Variants in ARFGEF3 observed in about 807,000 individuals in gnomAD.
ARFGEF3 encodes brefeldin A-inhibited guanine nucleotide-exchange protein 3.
In ARFGEF3, 96 loss-of-function variants were observed where a neutral mutation model predicts 221.7. That is an observed-to-expected ratio of 0.43 (90% CI 0.37 to 0.51). ARFGEF3 has a LOEUF of 0.51. Ranked by LOEUF, ARFGEF3 falls within the 20% of genes least tolerant of loss-of-function variation. The probability of loss-of-function intolerance (pLI) is 0.00; values close to 1 mark genes in which losing one functional copy is unlikely to be tolerated. For missense variants in ARFGEF3, 2,410 were observed against 2,789.9 expected (o/e 0.86, Z 3.07); for synonymous variants, 1,145 against 1,126.8 (o/e 1.02, Z -0.32).
At position 138,262,761 on chromosome 6, in the gene ARFGEF3, C is replaced by T. The variant is rs765048827; in HGVS notation, c.1278C>T (p.Ala426=). 2 of 1,613,918 alleles carry T rather than the reference C, an allele frequency of 1.2e-6. No homozygotes were observed. The highest frequency in any genetic ancestry group is 1.7e-6 in the Non-Finnish European group (2 of 1,179,816). Residue 426 remains alanine (A), a synonymous_variant, in exon 12 of 34, where the codon GCC becomes GCT. Coordinates refer to ENST00000251691, the MANE Select transcript of ARFGEF3 (RefSeq NM_020340.5). ...GTGGCATCGAAGCTTGCTATGCAGC[C>T]GTGTCCTGTGTCTGCACCTTGCTGG... ...IKGGIEACYA[A]VSCVCTLLGA...
Position 138,253,940 on chromosome 6 carries a change from C to T in ARFGEF3, c.726C>T (p.Ser242=), listed in dbSNP as rs1189542630. 3 of 1,598,514 alleles carry T rather than the reference C, an allele frequency of 1.9e-6. No individual in the cohort carries two copies. Among genetic ancestry groups the T allele is most frequent in the East Asian group, 4.5e-5 (2 of 44,302 alleles). Reference sequence around the variant, plus strand: ...GCATCCTGTCTGTGCTCAGCAGCTCCTCCTCCTCCATGCACCTGCACAGGC... The same window carrying T: ...GCATCCTGTCTGTGCTCAGCAGCTCTTCCTCCTCCATGCACCTGCACAGGC... ...LECILSVLSS[S]SSSMHLHRRF... The change falls in exon 9 of 34, where the codon TCC becomes TCT. Residue 242 remains serine (S), a synonymous_variant. Coordinates refer to ENST00000251691, the MANE Select transcript of ARFGEF3 (RefSeq NM_020340.5).
At chr6:138,279,140 A>G (rs1405030680) in intron 13 of ARFGEF3, among the ~76,000 whole-genome samples, 1 of 151,702 alleles carries the variant, frequency 6.6e-6, no homozygotes, top group East Asian at 1.9e-4. Context: ...CTCAACTCCC[A>G]AGTAGCTGGG....
chr6:138,195,589 T>C (rs1777401834), intron 2 of ARFGEF3, among the ~76,000 whole-genome samples: 1 of 152,234 alleles, frequency 6.6e-6, no homozygotes, highest in African/African-American at 2.4e-5. Flanking sequence ...AGAATACTTT[T>C]AGTGATTATG....
At chr6:138,241,717 AAAAT>A (rs1248961845) in intron 6 of ARFGEF3, among the ~76,000 whole-genome samples, 1 of 152,246 alleles carries the variant, frequency 6.6e-6, no homozygotes, top group East Asian at 1.9e-4. Flanking sequence ...CAGTGGAAAG[AAAAT>A]AAATAATGTA....
intron 27 of ARFGEF3, among the ~76,000 whole-genome samples, chr6:138,318,182 G>A (rs1421555130): frequency 1.3e-5 from 2 of 152,040 alleles, no homozygotes; most frequent in Non-Finnish European, 1.5e-5. Flanking sequence ...ATACTGCCAC[G>A]TTAAAAAGTT....
At chr6:138,292,171 C>T (rs1324655140) in intron 19 of ARFGEF3, 118 bp downstream of exon 19, 1 of 865,884 alleles carries the variant, frequency 1.2e-6, no homozygotes, top group Admixed American at 3.8e-5. Flanking sequence ...TAAATCTCTT[C>T]CATCTTTTTC....
intron 4 of ARFGEF3, among the ~76,000 whole-genome samples, chr6:138,226,714 A>G (rs963929836): frequency 3.3e-5 from 5 of 152,178 alleles, no homozygotes; most frequent in Non-Finnish European, 7.4e-5. Flanking sequence ...TTGCCCTCTC[A>G]TTATGCAATG....
chr6:138,195,618 A>G (rs1333233080), intron 2 of ARFGEF3, among the ~76,000 whole-genome samples: 1 of 152,204 alleles, frequency 6.6e-6, no homozygotes, highest in Non-Finnish European at 1.5e-5. Flanking sequence ...TGTTCTATAG[A>G]TGTACTGTGA....
chr6:138,325,816 ACTT>A (rs1398335705), intron 31 of ARFGEF3, among the ~76,000 whole-genome samples: 1 of 152,048 alleles, frequency 6.6e-6, no homozygotes. Flanking sequence ...TGAATCTTTC[ACTT>A]CTTTTTCTGT....
intron 29 of ARFGEF3, among the ~76,000 whole-genome samples, chr6:138,322,817 A>G (rs994136610): frequency 1.4e-5 from 2 of 146,854 alleles, no homozygotes; most frequent in East Asian, 4.0e-4. Context: ...AAAAAAAAAA[A>G]GGGATTCTGT....
At chr6:138,194,678 A>G (rs1213370041) in intron 2 of ARFGEF3, among the ~76,000 whole-genome samples, 2 of 152,242 alleles carry the variant, frequency 1.3e-5, no homozygotes, top group Admixed American at 1.3e-4. Flanking sequence ...TTTTAGGATC[A>G]CAAGCCTCAC....
chr6:138,324,720 G>A (rs1381082926), intron 31 of ARFGEF3, among the ~76,000 whole-genome samples: 1 of 152,212 alleles, frequency 6.6e-6, no homozygotes, highest in African/African-American at 2.4e-5. Flanking sequence ...AACACATTCT[G>A]TATATTTACC....
At chr6:138,206,837 C>T (rs1777632167) in intron 2 of ARFGEF3, among the ~76,000 whole-genome samples, 1 of 152,146 alleles carries the variant, frequency 6.6e-6, no homozygotes, top group Non-Finnish European at 1.5e-5. Flanking sequence ...GTAGCCATAC[C>T]AAGAAGGCAA....
intron 22 of ARFGEF3, among the ~76,000 whole-genome samples, chr6:138,299,403 T>G (rs1779588488): frequency 6.6e-6 from 1 of 152,068 alleles, no homozygotes; most frequent in South Asian, 2.1e-4. Context: ...TCTTTATACC[T>G]GGCCTATATT....
chr6:138,220,195 G>A (rs749956507), intron 4 of ARFGEF3, among the ~76,000 whole-genome samples: 6 of 151,994 alleles, frequency 3.9e-5, no homozygotes, highest in Non-Finnish European at 8.8e-5. Flanking sequence ...TAGAGACAAG[G>A]TTTTGCCATG....
chr6:138,306,257 A>G (rs1466975290), intron 22 of ARFGEF3, among the ~76,000 whole-genome samples: 1 of 152,218 alleles, frequency 6.6e-6, no homozygotes, highest in Non-Finnish European at 1.5e-5. Flanking sequence ...AATTTAGCAA[A>G]AGAAGCTCAA....
rs142546104 is a variant in ARFGEF3 at position 138,261,921 on chromosome 6, A to G, written c.1217+282A>G. On this transcript the variant is annotated intron_variant, in intron 11 of 33. Coordinates refer to ENST00000251691, the MANE Select transcript of ARFGEF3 (RefSeq NM_020340.5). ...ATTTTTGATTTGCAATACTGTAACT[A>G]TAGGATTTCTTCATATGTAGCCCCC... is the stretch of plus-strand genomic sequence containing the variant. 6.1e-3 allele frequency among the ~76,000 whole-genome samples: 922 copies of G among 152,296 alleles called. 7 individuals carry two copies. The highest frequency in any genetic ancestry group is 0.014 in the Middle Eastern group (4 of 294).
Position 138,286,686 on chromosome 6 carries a change from C to A in ARFGEF3, c.2570-15C>A, listed in dbSNP as rs966728885. 3.1e-6 allele frequency: 5 copies of A among 1,611,616 alleles called. No homozygotes were observed. Among genetic ancestry groups the A allele is most frequent in the Non-Finnish European group, 4.2e-6 (5 of 1,177,926 alleles). ...TTTGTCTCTAGAAAATGACACACACCCCTCCATGTTCCAGGCGTGGCATTT... is the reference window on the plus strand; with the variant it reads ...TTTGTCTCTAGAAAATGACACACACACCTCCATGTTCCAGGCGTGGCATTT... On this transcript the variant is annotated splice_polypyrimidine_tract_variant and intron_variant, in intron 15 of 33. Coordinates refer to ENST00000251691, the MANE Select transcript of ARFGEF3 (RefSeq NM_020340.5).
chr6:138,258,121 C>T (rs1044512924), intron 10 of ARFGEF3, among the ~76,000 whole-genome samples: 9 of 152,150 alleles, frequency 5.9e-5, no homozygotes, highest in African/African-American at 2.2e-4. Flanking sequence ...CCATCAAGGC[C>T]GAGTTACTGT....
Sources: allele counts gnomAD v4.1 joint callset (sites outside exome capture counted in the v4.1 genomes callset), GRCh38; gene constraint gnomAD v4.1.1; transcripts MANE v1.5; gene names NCBI Gene and HGNC (gene_info 2026-07-23, HGNC 2026-07-21).